Variants in NKX6-1 observed in about 807,000 individuals in gnomAD.
The protein encoded by NKX6-1 is homeobox protein Nkx-6.1.
Under a neutral mutation model 24.9 loss-of-function variants are expected in NKX6-1, and 11 were observed. The ratio of observed to expected loss-of-function variants is 0.44; its 90% confidence interval spans 0.28 to 0.73. The LOEUF (loss-of-function observed/expected upper bound fraction) is 0.73. Ranked by LOEUF, NKX6-1 falls within the 30% of genes least tolerant of loss-of-function variation. NKX6-1 has a pLI of 0.15. For missense variants in NKX6-1, 487 were observed against 502.9 expected (o/e 0.97, Z 0.30); for synonymous variants, 277 against 242.9 (o/e 1.14, Z -1.31).
In NKX6-1 at chr4:84,497,685, C is replaced by A. The variant is rs1720847562; in HGVS notation, c.544G>T (p.Ala182Ser). Residue 182 changes from alanine (A) to serine (S), a missense_variant, in exon 1 of 3, where the codon GCG becomes TCG. Ala to Ser is a moderately conservative substitution (Grantham distance 99). This residue lies in a region of NKX6-1 where 316 missense variants were observed against 311.4 expected (regional missense o/e 1.01). Transcript: ENST00000295886. The surrounding 1 kb of genome is among the most constrained non-coding windows in gnomAD (Gnocchi z 4.8). ...TACCGGCCCACGGCGGCCACGGCCG[C>A]GGCGCTGGGGCTGAAGTAGAGCCCG... is the stretch of plus-strand genomic sequence containing the variant. The part of the protein sequence containing the change: ...PPGLYFSPSA[A>S]AVAAVGRYPK... 7.9e-7 allele frequency: 1 copy of A among 1,271,320 alleles called. No homozygotes were observed. Among genetic ancestry groups the A allele is most frequent in the South Asian group, 3.3e-5 (1 of 30,338 alleles). 78.8% of individuals were successfully genotyped at this position (1,271,320 alleles called of 1,614,324 possible).
rs1296712700 is a variant in NKX6-1 at position 84,492,628 on chromosome 4, T to C, written c.*661A>G. On this transcript the variant is annotated 3_prime_UTR_variant, in exon 3 of 3. Transcript: ENST00000295886. Reference sequence around the variant, plus strand: ...ATTAAGTTCAAAATAAAAGGGAAGGTGTGGCTTGAGTCGCTCTTCAAAGGG... The same window carrying C: ...ATTAAGTTCAAAATAAAAGGGAAGGCGTGGCTTGAGTCGCTCTTCAAAGGG... 1 of 152,140 alleles carries C rather than the reference T, an allele frequency of 6.6e-6. No homozygotes were observed. The highest frequency in any genetic ancestry group is 1.9e-4 in the East Asian group (1 of 5,200). 9.4% of individuals were successfully genotyped at this position (152,140 alleles called of 1,614,324 possible).
chr4:84,497,132 G>A lies in NKX6-1; in HGVS notation c.670+427C>T, dbSNP rs1280715684. ...GCTGGCGAAGGCGGAATGGGGCGCTGGACGACAGGGAGGAGCCGGGAAAGC... is the reference window on the plus strand; with the variant it reads ...GCTGGCGAAGGCGGAATGGGGCGCTAGACGACAGGGAGGAGCCGGGAAAGC... On this transcript the variant is annotated intron_variant, in intron 1 of 2. Coordinates refer to ENST00000295886, the MANE Select transcript of NKX6-1 (RefSeq NM_006168.3). This position sits in a 1 kb window ranked among gnomAD's most constrained non-coding sequence, Gnocchi z 4.8. 6.6e-6 allele frequency among the ~76,000 whole-genome samples: 1 copy of A among 152,186 alleles called. No homozygotes were observed. The highest frequency in any genetic ancestry group is 2.4e-5 in the African/African-American group (1 of 41,464).
rs772927298 is a variant in NKX6-1 at position 84,495,854 on chromosome 4, C to T, written c.671-10G>A. On this transcript the variant is annotated splice_polypyrimidine_tract_variant and intron_variant, in intron 1 of 2. Coordinates refer to ENST00000295886, the MANE Select transcript of NKX6-1 (RefSeq NM_006168.3). Reference sequence around the variant, plus strand: ...AAAATGGATCCTTGATCTGTGAGAACCAATAAACAACGAGAGAGGGGGAAA... The same window carrying T: ...AAAATGGATCCTTGATCTGTGAGAATCAATAAACAACGAGAGAGGGGGAAA... The T allele has an allele frequency of 1.2e-5, 19 of 1,613,428 alleles. No homozygotes were observed. The highest frequency in any genetic ancestry group is 1.6e-5 in the Non-Finnish European group (19 of 1,179,592).
intron 1 of NKX6-1, 136 bp from the exon 2 acceptor site, chr4:84,495,980 G>T: frequency 1.2e-6 from 1 of 836,964 alleles, no homozygotes; most frequent in Non-Finnish European, 1.9e-6. Context: ...CACCAGAAGT[G>T]TAGTGGCGCT....
chr4:84,499,066 T>A lies in NKX6-1; in HGVS notation c.-838A>T, dbSNP rs1303848538. Among the ~76,000 whole-genome samples, 1 of 152,220 alleles carries A rather than the reference T, an allele frequency of 6.6e-6. No individual in the cohort carries two copies. Among genetic ancestry groups the A allele is most frequent in the Non-Finnish European group, 1.5e-5 (1 of 68,046 alleles). On this transcript the variant is annotated 5_prime_UTR_variant, in exon 1 of 3. In the 5' UTR this introduces an upstream ATG that the reference lacks. Transcript: ENST00000295886. Reference sequence around the variant, plus strand: ...GTTTCGGCGCCGCTCGTCAGTCCACTTCTGCAAACGGGCCCGGCGACCCCC... The same window carrying A: ...GTTTCGGCGCCGCTCGTCAGTCCACATCTGCAAACGGGCCCGGCGACCCCC...
rs779833179 is a variant in NKX6-1, at chr4:84,498,092, C to G, written c.137G>C (p.Gly46Ala). ...CGACGAGGACGAGGAGGAGGGGGGG[C>G]CGGCAGGCAGCGGGGGATACGCGGC... The part of the protein sequence containing the change: ...YPAAYPPLPA[G>A]PPSSSSSSSS... Residue 46 changes from glycine (G) to alanine (A), a missense_variant, in exon 1 of 3, where the codon GGC (glycine) becomes GCC (alanine). Physicochemically the swap from Gly to Ala is moderately conservative, Grantham distance 60 (BLOSUM62 0). This residue lies in a region of NKX6-1 where 316 missense variants were observed against 311.4 expected (regional missense o/e 1.01). Coordinates refer to ENST00000295886, the MANE Select transcript of NKX6-1 (RefSeq NM_006168.3). The G allele has an allele frequency of 1.6e-5, 20 of 1,260,008 alleles. No homozygotes were observed. In the East Asian group the frequency reaches 2.4e-4, roughly 15 times the overall value. The allele number at this position is 1,260,008 out of a possible 1,614,324, so 78.1% of individuals were successfully genotyped here. A position where few individuals can be genotyped will look rare whatever the true frequency, so the allele number is the denominator to read the frequency against.
chr4:84,493,575 G>T lies in NKX6-1; in HGVS notation c.844-26C>A, dbSNP rs201800678. The stretch of plus-strand genomic sequence containing the variant: ...CTGAGGGCGGAGAAAAGGGAGGAGA[G>T]GGGAGGCAAGGGCGAGGAATTAAAC... On this transcript the variant is annotated intron_variant, in intron 2 of 2. Coordinates refer to ENST00000295886, the MANE Select transcript of NKX6-1 (RefSeq NM_006168.3). This position sits in a 1 kb window ranked among gnomAD's most constrained non-coding sequence, Gnocchi z 5.1. 1.6e-4 allele frequency: 252 copies of T among 1,612,570 alleles called. 3 individuals carry two copies. In the Admixed American group the frequency reaches 4.0e-3, roughly 26 times the overall value.
chr4:84,498,269 G>T lies in NKX6-1; in HGVS notation c.-41C>A. ...GAGACCGTAGCCTTGCAGCGAGGGCGCTGGCTGGTGCCCCCCGCGGGGCTC... is the reference window on the plus strand; with the variant it reads ...GAGACCGTAGCCTTGCAGCGAGGGCTCTGGCTGGTGCCCCCCGCGGGGCTC... On this transcript the variant is annotated 5_prime_UTR_variant, in exon 1 of 3. Transcript: ENST00000295886. The T allele has an allele frequency of 3.9e-6, 5 of 1,287,332 alleles. No homozygotes were observed. Among genetic ancestry groups the T allele is most frequent in the Non-Finnish European group, 4.9e-6 (5 of 1,017,574 alleles). The allele number at this position is 1,287,332 out of a possible 1,614,324, so 79.7% of individuals were successfully genotyped here.
At position 84,497,363 on chromosome 4, in the gene NKX6-1, G is replaced by A. The variant is rs1720840875; in HGVS notation, c.670+196C>T. 6.6e-6 allele frequency among the ~76,000 whole-genome samples: 1 copy of A among 152,186 alleles called. No homozygotes were observed. The highest frequency in any genetic ancestry group is 2.4e-5 in the African/African-American group (1 of 41,448). Reference sequence around the variant, plus strand: ...AGAGAGAGGGAGGCGCTTGGATACAGCCACGCGAGCTCAGAAAAGCGAGAA... The same window carrying A: ...AGAGAGAGGGAGGCGCTTGGATACAACCACGCGAGCTCAGAAAAGCGAGAA... On this transcript the variant is annotated intron_variant, in intron 1 of 2. Transcript: ENST00000295886. This position sits in a 1 kb window ranked among gnomAD's most constrained non-coding sequence, Gnocchi z 4.8.
In NKX6-1 at chr4:84,497,635, A is replaced by G. The variant is rs774132308; in HGVS notation, c.594T>C (p.Pro198=). Residue 198 remains proline (P), a synonymous_variant, in exon 1 of 3, where the codon CCT becomes CCC. Coordinates refer to ENST00000295886, the MANE Select transcript of NKX6-1 (RefSeq NM_006168.3). This position sits in a 1 kb window ranked among gnomAD's most constrained non-coding sequence, Gnocchi z 4.8. The part of the protein sequence containing the change: ...GRYPKPLAEL[P]GRTPIFWPGV... ...CGGGCCAGAAGATGGGCGTCCGGCC[A>G]GGCAGCTCAGCCAGCGGCTTGGGGT... is the stretch of plus-strand genomic sequence containing the variant. The G allele has an allele frequency of 3.1e-6, 4 of 1,282,154 alleles. No homozygotes were observed. The highest frequency in any genetic ancestry group is 4.0e-6 in the Non-Finnish European group (4 of 1,009,914). The allele number at this position is 1,282,154 out of a possible 1,614,324, so 79.4% of individuals were successfully genotyped here.
chr4:84,494,956 C>T (rs910032855), intron 2 of NKX6-1, among the ~76,000 whole-genome samples: 11 of 152,202 alleles, frequency 7.2e-5, no homozygotes, highest in Middle Eastern at 3.4e-3. Flanking sequence ...AAATTTGTTT[C>T]CTTGGAAATA....
At chr4:84,494,021 TG>T (rs900777630) in intron 2 of NKX6-1, among the ~76,000 whole-genome samples, 1 of 152,136 alleles carries the variant, frequency 6.6e-6, no homozygotes, top group Non-Finnish European at 1.5e-5. Flanking sequence ...GTATAGATTG[TG>T]GGGGGAAAGC....
chr4:84,493,153 C>T lies in NKX6-1; in HGVS notation c.*136G>A, dbSNP rs1720755889. On this transcript the variant is annotated 3_prime_UTR_variant, in exon 3 of 3. Coordinates refer to ENST00000295886, the MANE Select transcript of NKX6-1 (RefSeq NM_006168.3). This position sits in a 1 kb window ranked among gnomAD's most constrained non-coding sequence, Gnocchi z 5.1. Reference sequence around the variant, plus strand: ...ATAGATATGTACATCTCAAAAATAGCAAAGGGTCCCCGCAGGCAGGGCCGG... The same window carrying T: ...ATAGATATGTACATCTCAAAAATAGTAAAGGGTCCCCGCAGGCAGGGCCGG... 4.0e-6 allele frequency: 3 copies of T among 749,066 alleles called. No individual in the cohort carries two copies. The highest frequency in any genetic ancestry group is 1.9e-5 in the African/African-American group (1 of 54,004). The allele number at this position is 749,066 out of a possible 1,614,324, so 46.4% of individuals were successfully genotyped here. A position where few individuals can be genotyped will look rare whatever the true frequency, so the allele number is the denominator to read the frequency against.
Position 84,493,421 on chromosome 4 carries a change from G to T in NKX6-1, c.972C>A (p.Asp324Glu). The T allele has an allele frequency of 6.2e-7, 1 of 1,614,230 alleles. No individual in the cohort carries two copies. The part of the protein sequence containing the change: ...KGASENEEED[D>E]DYNKPLDPNS... ...TGGGATCCAGAGGCTTATTGTAGTCGTCGTCCTCTTCCTCGTTCTCCGAGG... is the reference window on the plus strand; with the variant it reads ...TGGGATCCAGAGGCTTATTGTAGTCTTCGTCCTCTTCCTCGTTCTCCGAGG... The change falls in exon 3 of 3, where the codon GAC becomes GAA. Residue 324 changes from aspartate to glutamate, a missense_variant. Transcript: ENST00000295886. The surrounding 1 kb of genome is among the most constrained non-coding windows in gnomAD (Gnocchi z 5.1).
At position 84,497,889 on chromosome 4, in the gene NKX6-1, C is replaced by A; in HGVS notation, c.340G>T (p.Ala114Ser). 1 of 1,281,344 alleles carries A rather than the reference C, an allele frequency of 7.8e-7. No homozygotes were observed. Among genetic ancestry groups the A allele is most frequent in the Non-Finnish European group, 9.9e-7 (1 of 1,014,488 alleles). 79.4% of individuals were successfully genotyped at this position (1,281,344 alleles called of 1,614,324 possible). ...CCGGAGGGCGAGGCGGAGGGCAGGG[C>A]GGCCCCCGAGGCCACGGGCATGGAG... ...RPSMPVASGA[A>S]LPSASPSGSS... The change falls in exon 1 of 3, where the codon GCC becomes TCC. Residue 114 changes from alanine to serine, a missense_variant. Physicochemically the swap from Ala to Ser is moderately conservative, Grantham distance 99. Around this residue, in one of 3 missense-constraint regions of NKX6-1, gnomAD observed 316 missense variants for 311.4 expected, o/e 1.01. Transcript: ENST00000295886. This position sits in a 1 kb window ranked among gnomAD's most constrained non-coding sequence, Gnocchi z 4.8.
In NKX6-1 at chr4:84,498,089, G is replaced by T. The variant is rs745382655; in HGVS notation, c.140C>A (p.Pro47His). 2.4e-6 allele frequency: 3 copies of T among 1,263,774 alleles called. No homozygotes were observed. The highest frequency in any genetic ancestry group is 3.0e-5 in the East Asian group (1 of 33,646). The allele number at this position is 1,263,774 out of a possible 1,614,324, so 78.3% of individuals were successfully genotyped here. The change falls in exon 1 of 3, where the codon CCC becomes CAC. Residue 47 changes from proline (P) to histidine (H), a missense_variant. By Grantham distance (77) the Pro-to-His change is moderately conservative. Around this residue, in one of 3 missense-constraint regions of NKX6-1, gnomAD observed 316 missense variants for 311.4 expected, o/e 1.01. Transcript: ENST00000295886. ...PAAYPPLPAG[P>H]PSSSSSSSSS... ...CGACGACGAGGACGAGGAGGAGGGGGGGCCGGCAGGCAGCGGGGGATACGC... is the reference window on the plus strand; with the variant it reads ...CGACGACGAGGACGAGGAGGAGGGGTGGCCGGCAGGCAGCGGGGGATACGC...
rs76775726 is a variant in NKX6-1, at chr4:84,497,082, G to C, written c.670+477C>G. The C allele has an allele frequency of 0.01, 1,563 of 155,176 alleles. 78 individuals are homozygous for C. The East Asian group carries it at 0.12, about 12-fold the overall frequency. The allele number at this position is 155,176 out of a possible 1,614,324, so 9.6% of individuals were successfully genotyped here. On this transcript the variant is annotated intron_variant, in intron 1 of 2. Coordinates refer to ENST00000295886, the MANE Select transcript of NKX6-1 (RefSeq NM_006168.3). This position sits in a 1 kb window ranked among gnomAD's most constrained non-coding sequence, Gnocchi z 4.8. ...GGGCTCACCGCTGCCGGGCCTCACT[G>C]CTTCGAAGAGAGGCAGCGGGTTAGG...
At position 84,498,842 on chromosome 4, in the gene NKX6-1, CG is replaced by C. The variant is rs1720887716; in HGVS notation, c.-615del. Among the ~76,000 whole-genome samples the C allele has an allele frequency of 6.6e-6, 1 of 152,244 alleles. No individual in the cohort carries two copies. The highest frequency in any genetic ancestry group is 2.4e-5 in the African/African-American group (1 of 41,466). On this transcript the variant is annotated 5_prime_UTR_variant, in exon 1 of 3. Transcript: ENST00000295886. The stretch of plus-strand genomic sequence containing the variant: ...GCCCGCGGGAGATCTAGCCTCTGTG[CG>C]GGCTTCCTCCGCCCACGCTGCCCCG...
chr4:84,493,236 C>T lies in NKX6-1; in HGVS notation c.*53G>A. 7.0e-7 allele frequency: 1 copy of T among 1,431,088 alleles called. No individual in the cohort carries two copies. Among genetic ancestry groups the T allele is most frequent in the Non-Finnish European group, 9.1e-7 (1 of 1,099,160 alleles). The allele number at this position is 1,431,088 out of a possible 1,614,324, so 88.6% of individuals were successfully genotyped here. A position where few individuals can be genotyped will look rare whatever the true frequency, so the allele number is the denominator to read the frequency against. ...GCGTGCACGCGGTCCCCGCGCCCCT[C>T]GCGGCCCCAGAGGTGGAGGCCGGAG... is the stretch of plus-strand genomic sequence containing the variant. On this transcript the variant is annotated 3_prime_UTR_variant, in exon 3 of 3. Coordinates refer to ENST00000295886, the MANE Select transcript of NKX6-1 (RefSeq NM_006168.3). This position sits in a 1 kb window ranked among gnomAD's most constrained non-coding sequence, Gnocchi z 5.1.
Sources: allele counts gnomAD v4.1 joint callset (sites outside exome capture counted in the v4.1 genomes callset), GRCh38; gene constraint gnomAD v4.1.1; regional missense constraint gnomAD v4.1.1; non-coding constraint Gnocchi (gnomAD v3.1); transcripts MANE v1.5; gene names NCBI Gene and HGNC (gene_info 2026-07-23, HGNC 2026-07-21).